Variants in AP3B1 observed in about 807,000 individuals in gnomAD.
AP3B1 encodes adaptor related protein complex 3 subunit beta 1.
AP3B1 carries 61 observed loss-of-function variants against 132.5 expected under a neutral mutation model. The ratio of observed to expected loss-of-function variants is 0.46; its 90% CI spans 0.37 to 0.57. The LOEUF is 0.57. Ranked by LOEUF, AP3B1 falls within the 20% of genes least tolerant of loss-of-function variation. The pLI is 0.00. For missense variants in AP3B1, 1,120 were observed against 1,289.4 expected (o/e 0.87, Z 2.01); for synonymous variants, 388 against 438.3 (o/e 0.89, Z 1.43).
At chr5:78,097,443 C>A (rs1241297742) in intron 21 of AP3B1, among the ~76,000 whole-genome samples, 11 of 131,184 alleles carry the variant, frequency 8.4e-5, no homozygotes, top group Admixed American at 1.4e-4. Context: ...TGCCTCTGCC[C>A]GGCCGCCCCT....
intron 22 of AP3B1, among the ~76,000 whole-genome samples, chr5:78,073,154 A>G (rs1749617693): frequency 6.6e-6 from 1 of 152,174 alleles, no homozygotes. Flanking sequence ...TGTATTCTAC[A>G]GCTAAATTCG....
chr5:78,027,034 C>T (rs1162233200), intron 24 of AP3B1, among the ~76,000 whole-genome samples: 1 of 152,104 alleles, frequency 6.6e-6, no homozygotes, highest in African/African-American at 2.4e-5. Flanking sequence ...ATAAGCTGCA[C>T]TGCTTTCTCA....
intron 21 of AP3B1, among the ~76,000 whole-genome samples, chr5:78,097,590 C>G (rs1382368235): frequency 7.4e-6 from 1 of 134,358 alleles, no homozygotes; most frequent in Non-Finnish European, 1.6e-5. Context: ...CCAGCCGCCC[C>G]GTCCGGGAGG....
chr5:78,064,069 G>C (rs1749174915), intron 22 of AP3B1, among the ~76,000 whole-genome samples: 1 of 150,438 alleles, frequency 6.6e-6, no homozygotes, highest in African/African-American at 2.4e-5. Context: ...GGTAAACACA[G>C]TGGACATTAA....
chr5:78,111,705 T>A (rs1751598968), intron 19 of AP3B1, among the ~76,000 whole-genome samples: 1 of 152,128 alleles, frequency 6.6e-6, no homozygotes, highest in Non-Finnish European at 1.5e-5. Flanking sequence ...TGCTTTATAT[T>A]TTCCTGGAAA....
chr5:78,228,101 G>A (rs1746474641), intron 4 of AP3B1, 43 bp downstream of exon 4: 3 of 1,345,388 alleles, frequency 2.2e-6, no homozygotes, highest in Admixed American at 4.0e-5. Flanking sequence ...TTTCAACTCT[G>A]CAGAAACCTT....
chr5:78,101,762 C>G, intron 20 of AP3B1, among the ~76,000 whole-genome samples: 1 of 152,018 alleles, frequency 6.6e-6, no homozygotes, highest in East Asian at 1.9e-4. Context: ...GAACTGTTCA[C>G]AGTTTGGTTA....
chr5:78,143,306 C>A (rs915574249), intron 14 of AP3B1, among the ~76,000 whole-genome samples: 5 of 151,968 alleles, frequency 3.3e-5, no homozygotes, highest in African/African-American at 1.2e-4. Context: ...ACTCACGATA[C>A]ATATATTTAA....
chr5:78,074,351 G>A (rs2112168884), intron 22 of AP3B1, among the ~76,000 whole-genome samples: 1 of 151,934 alleles, frequency 6.6e-6, no homozygotes, highest in South Asian at 2.1e-4. Flanking sequence ...AATAAGATGG[G>A]GCATGGCTAG....
At chr5:78,083,017 A>G (rs1393836033) in intron 22 of AP3B1, among the ~76,000 whole-genome samples, 1 of 152,076 alleles carries the variant, frequency 6.6e-6, no homozygotes, top group African/African-American at 2.4e-5. Context: ...GGGTTTCACC[A>G]TGTTAGCCAG....
chr5:78,029,346 T>A (rs1025446539), intron 24 of AP3B1, among the ~76,000 whole-genome samples: 2 of 152,124 alleles, frequency 1.3e-5, no homozygotes, highest in Admixed American at 6.5e-5. Context: ...AAAATACTTC[T>A]TAATTTTTCT....
Position 78,006,430 on chromosome 5 carries a change from A to C in AP3B1, c.3132-3375T>G, listed in dbSNP as rs973473591. On this transcript the variant is annotated intron_variant, in intron 26 of 26. Coordinates refer to ENST00000255194, the MANE Select transcript of AP3B1 (RefSeq NM_003664.5). ...AGAAGGAAGAGTCCTCTCTTCAAAAATTGTTTACTTGATTTTGTAGTAATG... is the reference window on the plus strand; with the variant it reads ...AGAAGGAAGAGTCCTCTCTTCAAAACTTGTTTACTTGATTTTGTAGTAATG... 1.7e-4 allele frequency among the ~76,000 whole-genome samples: 26 copies of C among 152,340 alleles called. 1 individual carries two copies. The South Asian group carries it at 2.7e-3, about 16-fold the overall frequency.
chr5:78,257,890 T>C (rs1295537805), intron 2 of AP3B1, among the ~76,000 whole-genome samples: 2 of 151,760 alleles, frequency 1.3e-5, no homozygotes, highest in Non-Finnish European at 2.9e-5. Context: ...CTGAGAAAGA[T>C]GCGAAGAGCA....
Position 78,017,956 on chromosome 5 carries a change from T to A in AP3B1, c.2993-2408A>T, listed in dbSNP as rs559186060. Among the ~76,000 whole-genome samples the A allele has an allele frequency of 1.3e-3, 190 of 151,968 alleles. 2 individuals carry two copies. Among genetic ancestry groups the A allele is most frequent in the Non-Finnish European group, 2.0e-3 (134 of 67,850 alleles). ...AATAACATAAAAAAATTCAGAAAAATTTCTAAGTTTTAGATTTGTAATTTA... is the reference window on the plus strand; with the variant it reads ...AATAACATAAAAAAATTCAGAAAAAATTCTAAGTTTTAGATTTGTAATTTA... On this transcript the variant is annotated intron_variant, in intron 25 of 26. Coordinates refer to ENST00000255194, the MANE Select transcript of AP3B1 (RefSeq NM_003664.5).
chr5:78,106,832 C>T (rs1039790235), intron 20 of AP3B1, among the ~76,000 whole-genome samples: 1 of 152,122 alleles, frequency 6.6e-6, no homozygotes, highest in Admixed American at 6.5e-5. Context: ...GAAAAGAATG[C>T]TGGTGACAAA....
chr5:78,240,452 G>C (rs1480583721), intron 3 of AP3B1, among the ~76,000 whole-genome samples: 3 of 152,110 alleles, frequency 2.0e-5, no homozygotes, highest in Non-Finnish European at 4.4e-5. Flanking sequence ...TGAGAAACTT[G>C]GGAAATATTC....
intron 6 of AP3B1, among the ~76,000 whole-genome samples, chr5:78,224,515 A>C (rs1278660928): frequency 6.6e-6 from 1 of 152,128 alleles, no homozygotes; most frequent in Non-Finnish European, 1.5e-5. Context: ...TATTAATAAC[A>C]ACAATAAGTG....
At chr5:78,118,435 G>A (rs923290274) in intron 17 of AP3B1, among the ~76,000 whole-genome samples, 1 of 152,208 alleles carries the variant, frequency 6.6e-6, no homozygotes, top group Non-Finnish European at 1.5e-5. Flanking sequence ...CAAAGAAAGG[G>A]GTGACAGACG....
intron 7 of AP3B1, among the ~76,000 whole-genome samples, chr5:78,191,787 G>A (rs1330002565): frequency 6.6e-6 from 1 of 152,112 alleles, no homozygotes; most frequent in Non-Finnish European, 1.5e-5. Context: ...ATCAAGAAGG[G>A]GGCTTATGAA....
Sources: allele counts gnomAD v4.1 joint callset (sites outside exome capture counted in the v4.1 genomes callset), GRCh38; gene constraint gnomAD v4.1.1; transcripts MANE v1.5; gene names NCBI Gene and HGNC (gene_info 2026-07-23, HGNC 2026-07-21).